CFAP20DC: variants seen among roughly 807,000 people sequenced by gnomAD.
CFAP20DC encodes the protein CFAP20 domain containing, also known as protein CFAP20DC.
CFAP20DC carries 84 observed loss-of-function variants against 101.7 expected under a neutral mutation model. That is an observed-to-expected ratio of 0.83 (90% CI 0.69 to 0.99). The LOEUF is 0.99. CFAP20DC is among the 50% of genes least tolerant of loss of function. CFAP20DC has a pLI of 0.00. For missense variants in CFAP20DC, 1,007 were observed against 970.3 expected, an observed-to-expected ratio of 1.04 and a Z score of -0.50; for synonymous variants, 359 against 351.2, an observed-to-expected ratio of 1.02 and a Z score of -0.25.
chr3:58,952,159 G>C (rs2090188629), intron 4 of CFAP20DC, among the ~76,000 whole-genome samples: 1 of 152,150 alleles, frequency 6.6e-6, no homozygotes, highest in Non-Finnish European at 1.5e-5. Context: ...TTTTCAAGTA[G>C]TGCTATTCTT....
At chr3:58,941,327 CAAAAAAAAAAAAAAAA>C (rs752324535) in intron 4 of CFAP20DC, among the ~76,000 whole-genome samples, 14 of 19,530 alleles carry the variant, frequency 7.2e-4, no homozygotes, top group Admixed American at 3.2e-3. Flanking sequence ...GACTCCGTCT[CAAAAAAAAAAAAAAAA>C]AAAAAAAAAA....
At position 58,913,522 on chromosome 3, in the gene CFAP20DC, T is replaced by A; in HGVS notation, c.550+186A>T. On this transcript the variant is annotated intron_variant, in intron 6 of 16. Transcript: ENST00000482387. The surrounding 1 kb of genome is among the most constrained non-coding windows in gnomAD (Gnocchi z 4.4). Reference sequence around the variant, plus strand: ...AAAAAGAAGATTAATACCTTTTTTGTGACATTCAGCTATAGTAAAAATAAA... The same window carrying A: ...AAAAAGAAGATTAATACCTTTTTTGAGACATTCAGCTATAGTAAAAATAAA... The A allele has an allele frequency of 1.6e-6, 1 of 629,788 alleles. No homozygotes were observed. 39.0% of individuals were successfully genotyped at this position (629,788 alleles called of 1,614,324 possible).
At chr3:58,847,075 T>G (rs2077722404) in intron 13 of CFAP20DC, among the ~76,000 whole-genome samples, 1 of 114,036 alleles carries the variant, frequency 8.8e-6, no homozygotes, top group African/African-American at 3.6e-5. Flanking sequence ...GAAGAAAACC[T>G]AGGCATTACC....
rs77234750 is a variant in CFAP20DC, at chr3:59,009,635, T to C, written c.278+29922A>G. 5.7e-3 allele frequency among the ~76,000 whole-genome samples: 861 copies of C among 152,144 alleles called. 8 individuals are homozygous for C. Among genetic ancestry groups the C allele is most frequent in the African/African-American group, 0.02 (831 of 41,492 alleles). ...CGAGGAAGAAGAGAAATATACACAT[T>C]TGGAGAACTTATTTGAGGGAATAAT... On this transcript the variant is annotated intron_variant, in intron 4 of 16. Transcript: ENST00000482387.
chr3:58,739,631 G>T (rs2067837423), downstream of CFAP20DC, among the ~76,000 whole-genome samples: 1 of 152,234 alleles, frequency 6.6e-6, no homozygotes, highest in Non-Finnish European at 1.5e-5. Flanking sequence ...GGCTGGGGAG[G>T]TTTTAAAAAT....
At chr3:58,757,481 C>T (rs2069072294) in intron 15 of CFAP20DC, among the ~76,000 whole-genome samples, 1 of 151,716 alleles carries the variant, frequency 6.6e-6, no homozygotes, top group African/African-American at 2.4e-5. Flanking sequence ...TATAGTTTGT[C>T]TTTGTTTATG....
intron 4 of CFAP20DC, among the ~76,000 whole-genome samples, chr3:58,984,558 T>G (rs2092689460): frequency 6.6e-6 from 1 of 152,184 alleles, no homozygotes; most frequent in Non-Finnish European, 1.5e-5. Context: ...TTAATTAGCT[T>G]ACAGTTGAGA....
chr3:58,882,069 A>C lies in CFAP20DC; in HGVS notation c.715+2476T>G, dbSNP rs2081269849. Reference sequence around the variant, plus strand: ...ACATGTGCAATGAGATTTATTTAAGAAGTGCAATCATAAACCCTATGGTTA... The same window carrying C: ...ACATGTGCAATGAGATTTATTTAAGCAGTGCAATCATAAACCCTATGGTTA... On this transcript the variant is annotated intron_variant, in intron 7 of 16. Coordinates refer to ENST00000482387, the MANE Select transcript of CFAP20DC (RefSeq NM_001394063.1). This position sits in a 1 kb window ranked among gnomAD's most constrained non-coding sequence, Gnocchi z 4.2. 6.6e-6 allele frequency among the ~76,000 whole-genome samples: 1 copy of C among 152,180 alleles called. No homozygotes were observed. The highest frequency in any genetic ancestry group is 1.5e-5 in the Non-Finnish European group (1 of 67,990).
At position 58,729,431 on chromosome 3, in the gene CFAP20DC, A is replaced by C. The variant is rs570431105; in HGVS notation, c.198-11803T>G. ...ACAGTAAAACAATTGATTTTTATAT[A>C]ATGACTTTTATCCAACAACATTAAC... On this transcript the variant is annotated intron_variant, in intron 3 of 3. Transcript: ENST00000486145. The surrounding 1 kb of genome is among the most constrained non-coding windows in gnomAD (Gnocchi z 4.4). 7.8e-4 allele frequency among the ~76,000 whole-genome samples: 118 copies of C among 152,218 alleles called. 1 individual carries two copies. The highest frequency in any genetic ancestry group is 2.7e-3 in the African/African-American group (114 of 41,550).
At chr3:58,972,383 C>T (rs2092001055) in intron 4 of CFAP20DC, among the ~76,000 whole-genome samples, 1 of 152,010 alleles carries the variant, frequency 6.6e-6, no homozygotes, top group South Asian at 2.1e-4. Context: ...GCTGGAAGGC[C>T]ATATAATAAA....
At position 59,031,463 on chromosome 3, in the gene CFAP20DC, A is replaced by AT. The variant is rs375629142; in HGVS notation, c.278+8093dup. On this transcript the variant is annotated intron_variant, in intron 4 of 16. Transcript: ENST00000482387. ...TACACTGAAAATAAAGTTTTGTGTG[A>AT]TCCCCTCTACCTTTAGCATGCCTTT... 3.2e-3 allele frequency among the ~76,000 whole-genome samples: 486 copies of AT among 152,308 alleles called. 4 individuals carry two copies. Among genetic ancestry groups the AT allele is most frequent in the African/African-American group, 0.011 (468 of 41,566 alleles).
intron 5 of CFAP20DC, among the ~76,000 whole-genome samples, chr3:58,917,137 A>G (rs1408843817): frequency 1.3e-5 from 2 of 152,176 alleles, no homozygotes; most frequent in African/African-American, 2.4e-5. Flanking sequence ...GCTTGGATTA[A>G]TAAGTCAGTT....
intron 3 of CFAP20DC, among the ~76,000 whole-genome samples, chr3:58,730,018 C>CA (rs769033730): frequency 0.092 from 4,866 of 52,860 alleles, 237 homozygotes; most frequent in African/African-American, 0.2. Flanking sequence ...AACCTGTCTC[C>CA]AAAAAAAAAA....
In CFAP20DC at chr3:58,913,494, C is replaced by A; in HGVS notation, c.550+214G>T. The A allele has an allele frequency of 3.3e-6, 2 of 608,112 alleles. No homozygotes were observed. The highest frequency in any genetic ancestry group is 2.7e-5 in the East Asian group (1 of 36,434). 37.7% of individuals were successfully genotyped at this position (608,112 alleles called of 1,614,324 possible). A position where few individuals can be genotyped will look rare whatever the true frequency, so the allele number is the denominator to read the frequency against. On this transcript the variant is annotated intron_variant, in intron 6 of 16. Transcript: ENST00000482387. The surrounding 1 kb of genome is among the most constrained non-coding windows in gnomAD (Gnocchi z 4.4). ...TACCATAAAGAAAAAAGAAAACAAC[C>A]ACAAAAAGAAGATTAATACCTTTTT...
chr3:58,790,004 T>C (rs2072715639), intron 15 of CFAP20DC, among the ~76,000 whole-genome samples: 1 of 152,142 alleles, frequency 6.6e-6, no homozygotes, highest in African/African-American at 2.4e-5. Context: ...GACTAAGAAT[T>C]ATACCAATTA....
intron 3 of CFAP20DC, among the ~76,000 whole-genome samples, chr3:59,040,249 C>T (rs983573846): frequency 5.3e-5 from 8 of 152,028 alleles, no homozygotes; most frequent in African/African-American, 1.2e-4. Context: ...AGCTTTTATT[C>T]CCTATTACTA....
intron 4 of CFAP20DC, among the ~76,000 whole-genome samples, chr3:59,026,087 T>C (rs934406272): frequency 6.6e-6 from 1 of 152,296 alleles, no homozygotes; most frequent in Admixed American, 6.5e-5. Flanking sequence ...GTATGCAAAG[T>C]ATCTTAAAGT....
chr3:58,731,750 G>C (rs373607684), intron 3 of CFAP20DC, among the ~76,000 whole-genome samples: 123 of 152,254 alleles, frequency 8.1e-4, no homozygotes, highest in Middle Eastern at 3.4e-3. Context: ...CAGATAAACA[G>C]AACAAAATAT....
At chr3:58,994,359 C>G (rs1409222933) in intron 4 of CFAP20DC, among the ~76,000 whole-genome samples, 1 of 152,084 alleles carries the variant, frequency 6.6e-6, no homozygotes, top group Non-Finnish European at 1.5e-5. Flanking sequence ...AGTATGATGG[C>G]TGGATAAGTG....
Sources: allele counts gnomAD v4.1 joint callset (sites outside exome capture counted in the v4.1 genomes callset), GRCh38; gene constraint gnomAD v4.1.1; non-coding constraint Gnocchi (gnomAD v3.1); transcripts MANE v1.5; gene names NCBI Gene and HGNC (gene_info 2026-07-23, HGNC 2026-07-21).